BCAS3: variants seen among roughly 807,000 people sequenced by gnomAD.
The protein encoded by BCAS3 is BCAS3 microtubule associated cell migration factor, also known as BCAS4/BCAS3 fusion.
In BCAS3, 53 loss-of-function variants were observed where a neutral mutation model predicts 116.1. That is an observed-to-expected ratio of 0.46 (90% CI 0.37 to 0.57). The LOEUF (loss-of-function observed/expected upper bound fraction) is 0.57. Ranked by LOEUF, BCAS3 falls within the 20% of genes least tolerant of loss-of-function variation. The pLI is 0.00. For missense variants in BCAS3, 917 were observed against 1,165.4 expected (o/e 0.79, Z 3.10); for synonymous variants, 391 against 408.2 (o/e 0.96, Z 0.51).
intron 1 of BCAS3, among the ~76,000 whole-genome samples, chr17:60,678,533 A>T (rs1218541704): frequency 4.6e-5 from 7 of 152,168 alleles, no homozygotes; most frequent in Non-Finnish European, 1.0e-4. Flanking sequence ...GTCATGAAAC[A>T]TTCTAGGATC....
intron 7 of BCAS3, among the ~76,000 whole-genome samples, chr17:60,828,807 G>C (rs1339670016): frequency 6.6e-6 from 1 of 152,062 alleles, no homozygotes; most frequent in Admixed American, 6.6e-5. Context: ...TTATGTGTCA[G>C]CTACTGTTAA....
At chr17:61,230,980 T>C (rs945939077) in intron 22 of BCAS3, among the ~76,000 whole-genome samples, 23 of 136,878 alleles carry the variant, frequency 1.7e-4, no homozygotes, top group Non-Finnish European at 2.4e-4. Context: ...TTTTTTTTTT[T>C]CTAAGAGATA....
chr17:60,954,707 A>G (rs540257263), intron 14 of BCAS3, among the ~76,000 whole-genome samples: 47 of 152,334 alleles, frequency 3.1e-4, no homozygotes, highest in African/African-American at 1.1e-3. Flanking sequence ...AAATATGGGA[A>G]TATTTAACAT....
In BCAS3 at chr17:61,105,949, T is replaced by G; in HGVS notation, c.2425+21385T>G. On this transcript the variant is annotated intron_variant, in intron 22 of 23. Transcript: ENST00000407086. This position sits in a 1 kb window ranked among gnomAD's most constrained non-coding sequence, Gnocchi z 4.3. ...CCTTTCTGAGTAGCCTGGTGAAATC[T>G]TACAGCATCCCTCCCAGACCGTGAA... Among the ~76,000 whole-genome samples the G allele has an allele frequency of 6.6e-6, 1 of 152,180 alleles. No homozygotes were observed. The highest frequency in any genetic ancestry group is 1.9e-4 in the East Asian group (1 of 5,196).
intron 10 of BCAS3, among the ~76,000 whole-genome samples, chr17:60,896,472 A>G (rs2057516827): frequency 6.6e-6 from 1 of 152,094 alleles, no homozygotes; most frequent in South Asian, 2.1e-4. Context: ...ATATACTAAT[A>G]TTTGCTTTAG....
intron 3 of BCAS3, among the ~76,000 whole-genome samples, chr17:60,687,560 T>C (rs1199997215): frequency 6.6e-6 from 1 of 152,074 alleles, no homozygotes; most frequent in African/African-American, 2.4e-5. Context: ...GCTGAGATCA[T>C]ACCACTGCAC....
chr17:60,967,449 G>A lies in BCAS3; in HGVS notation c.1221+20097G>A, dbSNP rs565070538. On this transcript the variant is annotated intron_variant, in intron 14 of 23. Coordinates refer to ENST00000407086, the MANE Select transcript of BCAS3 (RefSeq NM_017679.5). The surrounding 1 kb of genome is among the most constrained non-coding windows in gnomAD (Gnocchi z 4.7). Reference sequence around the variant, plus strand: ...AGATACAGTGTTTGCTTCTTTTCTCGTGCTGTTTTTAGGATCTTCTCTTTG... The same window carrying A: ...AGATACAGTGTTTGCTTCTTTTCTCATGCTGTTTTTAGGATCTTCTCTTTG... 9.2e-5 allele frequency among the ~76,000 whole-genome samples: 14 copies of A among 152,194 alleles called. No homozygotes were observed. The South Asian group carries it at 1.7e-3, about 18-fold the overall frequency.
At chr17:60,710,765 G>A (rs566008853) in intron 5 of BCAS3, among the ~76,000 whole-genome samples, 73 of 150,032 alleles carry the variant, frequency 4.9e-4, no homozygotes, top group Admixed American at 2.8e-3. Flanking sequence ...TTTATTTTTT[G>A]ATAAGTCACT....
At chr17:60,772,746 G>A (rs1230507891) in intron 6 of BCAS3, among the ~76,000 whole-genome samples, 1 of 152,120 alleles carries the variant, frequency 6.6e-6, no homozygotes, top group African/African-American at 2.4e-5. Context: ...TGGGTGTGGT[G>A]GTGTGTGTTC....
At chr17:60,696,880 T>TAA (rs2035663376) in intron 4 of BCAS3, among the ~76,000 whole-genome samples, 1 of 152,114 alleles carries the variant, frequency 6.6e-6, no homozygotes, top group African/African-American at 2.4e-5. Flanking sequence ...ATTTACCTTT[T>TAA]AGAGTGTACA....
At chr17:61,067,265 G>GTGTA (rs1227189671) in intron 19 of BCAS3, among the ~76,000 whole-genome samples, 5 of 83,974 alleles carry the variant, frequency 6.0e-5, no homozygotes, top group African/African-American at 3.3e-4. Context: ...TTATTTATGT[G>GTGTA]TGTATGTGTA....
intron 22 of BCAS3, chr17:61,135,958 C>A: frequency 6.3e-6 from 1 of 157,598 alleles, no homozygotes; most frequent in South Asian, 1.7e-4. Flanking sequence ...GGATCTGGCT[C>A]CTGTGTGCCT....
chr17:61,304,616 G>A (rs2053692803), intron 22 of BCAS3, among the ~76,000 whole-genome samples: 2 of 152,096 alleles, frequency 1.3e-5, no homozygotes, highest in Non-Finnish European at 2.9e-5. Flanking sequence ...AAGGGTTAAG[G>A]TACATCTCCT....
At chr17:61,232,085 A>T (rs2082715883) in intron 22 of BCAS3, among the ~76,000 whole-genome samples, 1 of 150,614 alleles carries the variant, frequency 6.6e-6, no homozygotes, top group Non-Finnish European at 1.5e-5. Flanking sequence ...GGCACCTGTA[A>T]TCCCAGCTAC....
chr17:61,329,343 A>ATTATTTT (rs1555831750), intron 22 of BCAS3, among the ~76,000 whole-genome samples: 3 of 131,276 alleles, frequency 2.3e-5, no homozygotes, highest in African/African-American at 8.8e-5. Context: ...TATTATTATT[A>ATTATTTT]TTTTTTTTTT....
In BCAS3 at chr17:61,045,913, T is replaced by TA. The variant is rs1555685083; in HGVS notation, c.2029+5021_2029+5022insA. 6.9e-4 allele frequency among the ~76,000 whole-genome samples: 18 copies of TA among 26,138 alleles called. 2 individuals carry two copies. In the African/African-American group the frequency reaches 8.6e-3, roughly 12 times the overall value. The allele number at this position is 26,138 out of a possible 152,430, so 17.1% of individuals were successfully genotyped here. On this transcript the variant is annotated intron_variant, in intron 19 of 23. Coordinates refer to ENST00000407086, the MANE Select transcript of BCAS3 (RefSeq NM_017679.5). ...ATATATAATATATATAAATATATAT[T>TA]TATATATATAATATATATAAATATA...
intron 22 of BCAS3, among the ~76,000 whole-genome samples, chr17:61,119,475 A>G (rs1448211174): frequency 6.6e-6 from 1 of 152,190 alleles, no homozygotes; most frequent in African/African-American, 2.4e-5. Flanking sequence ...GATAAAATTC[A>G]GCATTTATTT....
chr17:60,740,808 C>T (rs943365001), intron 5 of BCAS3, among the ~76,000 whole-genome samples: 53 of 152,092 alleles, frequency 3.5e-4, no homozygotes, highest in African/African-American at 1.1e-3. Context: ...TAGTTTCTGT[C>T]GAGGCCAGGC....
At chr17:60,820,335 G>A (rs767721394) in intron 7 of BCAS3, among the ~76,000 whole-genome samples, 27 of 152,102 alleles carry the variant, frequency 1.8e-4, no homozygotes, top group Non-Finnish European at 3.4e-4. Flanking sequence ...GTGAGCCACC[G>A]TGCCCAGCCG....
Sources: allele counts gnomAD v4.1 joint callset (sites outside exome capture counted in the v4.1 genomes callset), GRCh38; gene constraint gnomAD v4.1.1; non-coding constraint Gnocchi (gnomAD v3.1); transcripts MANE v1.5; gene names NCBI Gene and HGNC (gene_info 2026-07-23, HGNC 2026-07-21).